The following TEAD1 variants were observed in gnomAD, a reference collection of about 807,000 sequenced individuals.
TEAD1 encodes the protein transcriptional enhancer factor TEF-1.
A neutral mutation model predicts 54.9 loss-of-function variants in TEAD1; 9 were observed. That is an observed-to-expected ratio of 0.16 (90% CI 0.10 to 0.29). The LOEUF is 0.29. Ranked by LOEUF, TEAD1 falls within the 10% of genes least tolerant of loss-of-function variation. The probability of loss-of-function intolerance (pLI) is 1.00; values close to 1 mark genes in which losing one functional copy is unlikely to be tolerated. For synonymous variants in TEAD1, 200 were observed against 187.8 expected (o/e 1.07, Z -0.53); for missense variants, 387 against 535.9 (o/e 0.72, Z 2.74).
intron 3 of TEAD1, among the ~76,000 whole-genome samples, chr11:12,770,275 A>C (rs576048564): frequency 2.0e-5 from 3 of 152,228 alleles, no homozygotes; most frequent in Non-Finnish European, 4.4e-5. Flanking sequence ...GTGTGAGCTC[A>C]TGTGCAATCC....
chr11:12,812,176 T>A (rs1459788925), intron 3 of TEAD1, among the ~76,000 whole-genome samples: 4 of 152,126 alleles, frequency 2.6e-5, no homozygotes, highest in Non-Finnish European at 5.9e-5. Context: ...GGCTTGTGGT[T>A]GTGGACTGAG....
intron 3 of TEAD1, among the ~76,000 whole-genome samples, chr11:12,813,876 A>G (rs892533059): frequency 3.9e-5 from 6 of 152,058 alleles, no homozygotes; most frequent in Non-Finnish European, 4.4e-5. Context: ...ACCTTGAGTC[A>G]CCAGCCAAGG....
At chr11:12,856,854 A>G (rs2071427545) in intron 3 of TEAD1, among the ~76,000 whole-genome samples, 1 of 151,960 alleles carries the variant, frequency 6.6e-6, no homozygotes, top group Non-Finnish European at 1.5e-5. Context: ...CAGGGAAGAG[A>G]AGCATTGCAT....
chr11:12,871,116 C>T (rs1324498771), intron 5 of TEAD1, among the ~76,000 whole-genome samples: 3 of 152,152 alleles, frequency 2.0e-5, no homozygotes, highest in Non-Finnish European at 4.4e-5. Context: ...AAGATGAATC[C>T]ATGCAGTTGC....
rs373085767 is a variant in TEAD1, at chr11:12,700,136, A to G, written c.-55+24575A>G. Reference sequence around the variant, plus strand: ...GGAAAAATAAAATATTTCTGCAAAGAACTTTGTACCTTTTTTTCTATAATT... The same window carrying G: ...GGAAAAATAAAATATTTCTGCAAAGGACTTTGTACCTTTTTTTCTATAATT... On this transcript the variant is annotated intron_variant, in intron 2 of 12. Coordinates refer to ENST00000527636, the MANE Select transcript of TEAD1 (RefSeq NM_021961.6). Among the ~76,000 whole-genome samples the G allele has an allele frequency of 3.3e-5, 5 of 152,352 alleles. No individual in the cohort carries two copies. In the South Asian group the frequency reaches 1.0e-3, roughly 32 times the overall value.
intron 2 of TEAD1, among the ~76,000 whole-genome samples, chr11:12,761,829 C>T (rs1945109125): frequency 6.6e-6 from 1 of 152,140 alleles, no homozygotes; most frequent in Non-Finnish European, 1.5e-5. Flanking sequence ...AGCATTTCAA[C>T]ATGTCAGTAT....
intron 3 of TEAD1, among the ~76,000 whole-genome samples, chr11:12,836,768 G>A (rs1946901553): frequency 6.6e-6 from 1 of 152,142 alleles, no homozygotes; most frequent in Non-Finnish European, 1.5e-5. Context: ...CCACCAACTA[G>A]TTTATCTGCC....
At chr11:12,754,697 A>T (rs935990791) in intron 2 of TEAD1, among the ~76,000 whole-genome samples, 1 of 152,178 alleles carries the variant, frequency 6.6e-6, no homozygotes, top group African/African-American at 2.4e-5. Flanking sequence ...AGAGCACTGA[A>T]TGTCAGGAGC....
At chr11:12,936,549 AAG>A (rs1372888443) in intron 12 of TEAD1, among the ~76,000 whole-genome samples, 1 of 152,168 alleles carries the variant, frequency 6.6e-6, no homozygotes. Context: ...GGATGGGAAA[AAG>A]AGTGGATTTT....
rs533405954 is a variant in TEAD1, at chr11:12,784,880, C to T, written c.202+20446C>T. 5.3e-5 allele frequency among the ~76,000 whole-genome samples: 8 copies of T among 152,212 alleles called. 1 individual carries two copies. The highest frequency in any genetic ancestry group is 8.8e-5 in the Non-Finnish European group (6 of 68,038). On this transcript the variant is annotated intron_variant, in intron 3 of 12. Coordinates refer to ENST00000527636, the MANE Select transcript of TEAD1 (RefSeq NM_021961.6). ...GCAAGGCTTTAGCCACCCATGTTAA[C>T]TGTAGCTCCTATCGCTTGAGAAGTG...
intron 3 of TEAD1, among the ~76,000 whole-genome samples, chr11:12,820,323 A>G (rs925347391): frequency 3.3e-5 from 5 of 152,228 alleles, no homozygotes; most frequent in African/African-American, 1.2e-4. Context: ...CCCTAAAGCC[A>G]TAGGCACCTC....
intron 2 of TEAD1, among the ~76,000 whole-genome samples, chr11:12,678,879 T>C (rs1943154346): frequency 6.6e-6 from 1 of 152,232 alleles, no homozygotes; most frequent in Non-Finnish European, 1.5e-5. Flanking sequence ...TTTGTAGTGG[T>C]ACAGAATAGG....
intron 3 of TEAD1, among the ~76,000 whole-genome samples, chr11:12,861,590 A>G (rs1947504901): frequency 6.6e-6 from 1 of 152,202 alleles, no homozygotes; most frequent in Admixed American, 6.5e-5. Context: ...CTAGAAGAGA[A>G]CTGGGTTTGT....
intron 5 of TEAD1, among the ~76,000 whole-genome samples, chr11:12,875,838 G>T (rs1947844515): frequency 6.6e-6 from 1 of 152,180 alleles, no homozygotes. Context: ...TTGACTATAT[G>T]CATTGAAAAG....
At chr11:12,815,001 T>G (rs966991535) in intron 3 of TEAD1, among the ~76,000 whole-genome samples, 1 of 152,132 alleles carries the variant, frequency 6.6e-6, no homozygotes, top group Admixed American at 6.5e-5. Flanking sequence ...GGGCCTGTAA[T>G]GGTTGCTGAC....
chr11:12,910,080 G>A (rs535392866), intron 10 of TEAD1, among the ~76,000 whole-genome samples: 21 of 152,272 alleles, frequency 1.4e-4, no homozygotes, highest in African/African-American at 4.6e-4. Flanking sequence ...TGCCAGTGAC[G>A]TGGCAGACAG....
chr11:12,703,248 C>T (rs1484608856), intron 2 of TEAD1, among the ~76,000 whole-genome samples: 1 of 152,160 alleles, frequency 6.6e-6, no homozygotes, highest in Non-Finnish European at 1.5e-5. Context: ...ATTCTCTCTC[C>T]CAAAAAAGCT....
At chr11:12,881,531 T>TA (rs780480350) in intron 7 of TEAD1, among the ~76,000 whole-genome samples, 27 of 151,842 alleles carry the variant, frequency 1.8e-4, no homozygotes, top group Middle Eastern at 3.4e-3. Flanking sequence ...CTATATGCTG[T>TA]AAAAAAAAAC....
intron 3 of TEAD1, among the ~76,000 whole-genome samples, chr11:12,801,116 T>G (rs931814576): frequency 2.6e-5 from 4 of 152,246 alleles, no homozygotes; most frequent in African/African-American, 7.2e-5. Context: ...CTGAAAGCCT[T>G]ATTAAAAAGC....
Sources: gnomAD v4.1 joint callset for allele counts (sites outside exome capture counted in the v4.1 genomes callset) on GRCh38, gnomAD v4.1.1 for gene constraint, MANE v1.5 for transcripts, NCBI Gene and HGNC (gene_info 2026-07-23, HGNC 2026-07-21) for gene names.